GRID2: variants seen among roughly 807,000 people sequenced by gnomAD.
GRID2 encodes glutamate ionotropic receptor delta type subunit 2.
Under a neutral mutation model 114.8 loss-of-function variants are expected in GRID2, and 33 were observed. The ratio of observed to expected loss-of-function variants is 0.29; its 90% CI spans 0.22 to 0.38. The LOEUF is 0.38. GRID2 is among the 10% of genes least tolerant of loss of function. The pLI is 1.00. For missense variants in GRID2, 1,184 were observed against 1,257.7 expected, an observed-to-expected ratio of 0.94 and a Z score of 0.89; for synonymous variants, 505 against 449.9, an observed-to-expected ratio of 1.12 and a Z score of -1.55.
chr4:92,413,554 GT>G (rs1731441341), intron 1 of GRID2, among the ~76,000 whole-genome samples: 1 of 152,238 alleles, frequency 6.6e-6, no homozygotes, highest in East Asian at 1.9e-4. Context: ...GGTGTCCAAA[GT>G]GATAAACTTG....
Position 93,379,660 on chromosome 4 carries a change from A to C in GRID2, c.1246-15947A>C, listed in dbSNP as rs77146973. Among the ~76,000 whole-genome samples, 1,034 of 152,258 alleles carry C rather than the reference A, an allele frequency of 6.8e-3. 10 individuals carry two copies. Among genetic ancestry groups the C allele is most frequent in the African/African-American group, 0.023 (957 of 41,574 alleles). ...GACTTATGAATGGTCGATTGCATAC[A>C]AAAGTGCTGGAGATATGGTGATAAA... On this transcript the variant is annotated intron_variant, in intron 8 of 15. Transcript: ENST00000282020.
At chr4:93,345,760 A>T (rs1760164991) in intron 8 of GRID2, among the ~76,000 whole-genome samples, 1 of 152,052 alleles carries the variant, frequency 6.6e-6, no homozygotes, top group Admixed American at 6.6e-5. Flanking sequence ...TTCTTCTAGT[A>T]GTTTTATAGT....
chr4:92,460,798 C>T (rs1721457345), intron 1 of GRID2, among the ~76,000 whole-genome samples: 1 of 151,948 alleles, frequency 6.6e-6, no homozygotes, highest in Admixed American at 6.6e-5. Context: ...TGAGCATTTA[C>T]CTCACTGTTT....
chr4:92,861,124 A>G (rs1744503366), intron 2 of GRID2, among the ~76,000 whole-genome samples: 1 of 152,076 alleles, frequency 6.6e-6, no homozygotes, highest in Non-Finnish European at 1.5e-5. Context: ...TTAATTGAGC[A>G]GGATTTATCA....
chr4:93,447,604 T>C lies in GRID2; in HGVS notation c.1546-8058T>C, dbSNP rs538428758. 9.2e-5 allele frequency among the ~76,000 whole-genome samples: 14 copies of C among 152,048 alleles called. No individual in the cohort carries two copies. In the South Asian group the frequency reaches 2.9e-3, roughly 32 times the overall value. On this transcript the variant is annotated intron_variant, in intron 10 of 15. Transcript: ENST00000282020. ...CAAGGAAAACATCCCATCATTAAAATTGACCCAAGAAGAAATAGAAGACAA... is the reference window on the plus strand; with the variant it reads ...CAAGGAAAACATCCCATCATTAAAACTGACCCAAGAAGAAATAGAAGACAA...
At chr4:93,315,731 T>C (rs901244388) in intron 8 of GRID2, among the ~76,000 whole-genome samples, 1 of 152,158 alleles carries the variant, frequency 6.6e-6, no homozygotes, top group African/African-American at 2.4e-5. Flanking sequence ...ACTATCTTTT[T>C]ATCTCATTAC....
intron 8 of GRID2, among the ~76,000 whole-genome samples, chr4:93,387,694 G>A (rs553420340): frequency 1.3e-5 from 2 of 152,086 alleles, no homozygotes; most frequent in South Asian, 4.1e-4. Flanking sequence ...GCCAGGTATG[G>A]TGGTGTGTGC....
At chr4:92,784,651 ATACTT>A (rs1362872656) in intron 2 of GRID2, among the ~76,000 whole-genome samples, 11 of 151,936 alleles carry the variant, frequency 7.2e-5, no homozygotes, top group African/African-American at 2.7e-4. Flanking sequence ...AAGAAAGTCA[ATACTT>A]TAGTGTTTGC....
intron 9 of GRID2, among the ~76,000 whole-genome samples, chr4:93,408,038 C>G (rs1169691961): frequency 6.6e-6 from 1 of 152,068 alleles, no homozygotes; most frequent in Non-Finnish European, 1.5e-5. Context: ...CAAATGTAAT[C>G]TCCAAGACCA....
chr4:92,326,231 T>G (rs975851791), intron 1 of GRID2, among the ~76,000 whole-genome samples: 1 of 151,928 alleles, frequency 6.6e-6, no homozygotes, highest in Non-Finnish European at 1.5e-5. Flanking sequence ...TAAAGGTCAG[T>G]AACTTATTGA....
intron 1 of GRID2, among the ~76,000 whole-genome samples, chr4:92,580,917 G>A (rs1728155730): frequency 6.7e-6 from 1 of 149,608 alleles, no homozygotes; most frequent in Admixed American, 6.7e-5. Context: ...AATGCATCAG[G>A]TCAGTTTGGG....
At chr4:93,653,934 A>G (rs1273889344) in intron 14 of GRID2, among the ~76,000 whole-genome samples, 5 of 152,202 alleles carry the variant, frequency 3.3e-5, no homozygotes, top group Non-Finnish European at 5.9e-5. Context: ...TTCAAATATT[A>G]GAAGGATTTA....
At chr4:92,491,023 ATCTT>A (rs1243578810) in intron 1 of GRID2, among the ~76,000 whole-genome samples, 2 of 152,294 alleles carry the variant, frequency 1.3e-5, no homozygotes, top group East Asian at 1.9e-4. Context: ...TTTGTATTTT[ATCTT>A]TCTGTTTACT....
intron 1 of GRID2, among the ~76,000 whole-genome samples, chr4:92,462,342 G>A (rs1721539015): frequency 6.6e-6 from 1 of 151,974 alleles, no homozygotes; most frequent in Non-Finnish European, 1.5e-5. Flanking sequence ...CTTATCTATT[G>A]AGGGGAAATA....
At chr4:93,476,725 A>G (rs2149441822) in intron 11 of GRID2, among the ~76,000 whole-genome samples, 1 of 152,284 alleles carries the variant, frequency 6.6e-6, no homozygotes, top group East Asian at 1.9e-4. Flanking sequence ...GCTACGTAGT[A>G]GAAACAATAC....
At chr4:93,116,275 T>C (rs1461221558) in intron 4 of GRID2, among the ~76,000 whole-genome samples, 1 of 152,222 alleles carries the variant, frequency 6.6e-6, no homozygotes, top group African/African-American at 2.4e-5. Context: ...CCCACAGATT[T>C]ACTTTTATAT....
At chr4:93,195,180 G>A (rs1281868451) in intron 4 of GRID2, among the ~76,000 whole-genome samples, 1 of 152,166 alleles carries the variant, frequency 6.6e-6, no homozygotes, top group African/African-American at 2.4e-5. Flanking sequence ...TAGGAAGGCT[G>A]ACTCAGTTTG....
rs576404271 is a variant in GRID2 at position 92,572,418 on chromosome 4, A to G, written c.89-17713A>G. ...ATAGCTTACCAATCAAAAAAAGTCC[A>G]GGACCAGAAGGATTCACAGCCGAAT... is the stretch of plus-strand genomic sequence containing the variant. On this transcript the variant is annotated intron_variant, in intron 1 of 15. Transcript: ENST00000282020. Among the ~76,000 whole-genome samples the G allele has an allele frequency of 6.6e-5, 10 of 152,268 alleles. No individual in the cohort carries two copies. In the East Asian group the frequency reaches 1.9e-3, roughly 30 times the overall value.
intron 8 of GRID2, among the ~76,000 whole-genome samples, chr4:93,261,347 C>T (rs776589854): frequency 1.3e-4 from 19 of 151,810 alleles, no homozygotes; most frequent in Non-Finnish European, 1.5e-4. Flanking sequence ...GATCCTTGCA[C>T]CTAAGTGGCT....
Sources: gnomAD v4.1 joint callset for allele counts (sites outside exome capture counted in the v4.1 genomes callset) on GRCh38, gnomAD v4.1.1 for gene constraint, MANE v1.5 for transcripts, NCBI Gene and HGNC (gene_info 2026-07-23, HGNC 2026-07-21) for gene names.